The following TDRD5 variants were observed in gnomAD, a reference collection of about 807,000 sequenced individuals.
The protein encoded by TDRD5 is tudor domain containing 5.
Under a neutral mutation model 120.6 loss-of-function variants are expected in TDRD5, and 41 were observed. The ratio of observed to expected loss-of-function variants is 0.34; its 90% CI spans 0.26 to 0.44. The LOEUF (loss-of-function observed/expected upper bound fraction) is 0.44. TDRD5 is among the 20% of genes least tolerant of loss of function. TDRD5 has a pLI of 1.00. For synonymous variants in TDRD5, 430 were observed against 433.7 expected (o/e 0.99, Z 0.11); for missense variants, 1,006 against 1,221.2 (o/e 0.82, Z 2.63).
At chr1:179,673,038 C>T (rs370069051) in intron 17 of TDRD5, among the ~76,000 whole-genome samples, 1 of 152,040 alleles carries the variant, frequency 6.6e-6, no homozygotes, top group Admixed American at 6.5e-5. Flanking sequence ...GTGATGTCTC[C>T]AGATTTGTTC....
intron 7 of TDRD5, among the ~76,000 whole-genome samples, chr1:179,631,746 C>G (rs2102002356): frequency 6.6e-6 from 1 of 151,728 alleles, no homozygotes; most frequent in East Asian, 1.9e-4. Flanking sequence ...TTGCTAGTAA[C>G]TAAACTCCAG....
In TDRD5 at chr1:179,593,706, G is replaced by T; in HGVS notation, c.479G>T (p.Arg160Ile). Residue 160 changes from arginine to isoleucine, a missense_variant, in exon 3 of 18, where the codon AGA becomes ATA. Physicochemically the swap from Arg to Ile is moderately conservative, Grantham distance 97 (BLOSUM62 -3). Around this residue, in one of 3 missense-constraint regions of TDRD5, gnomAD observed 445 missense variants for 515.5 expected, o/e 0.86. Transcript: ENST00000444136. ...GATTTTGAAAAGGCATTTGCCAAAAGATTTGGACGATCATTCCAATACATG... is the reference window on the plus strand; with the variant it reads ...GATTTTGAAAAGGCATTTGCCAAAATATTTGGACGATCATTCCAATACATG... ...LSDFEKAFAK[R>I]FGRSFQYMQY... The T allele has an allele frequency of 1.2e-6, 2 of 1,614,222 alleles. No homozygotes were observed. Among genetic ancestry groups the T allele is most frequent in the Non-Finnish European group, 1.7e-6 (2 of 1,180,028 alleles).
intron 13 of TDRD5, among the ~76,000 whole-genome samples, chr1:179,653,259 A>G (rs946300714): frequency 3.9e-5 from 6 of 152,216 alleles, no homozygotes; most frequent in Non-Finnish European, 7.4e-5. Context: ...TCTTTGAATA[A>G]AATGTAAAAA....
At chr1:179,606,778 A>T (rs372767119) in intron 4 of TDRD5, among the ~76,000 whole-genome samples, 4 of 152,052 alleles carry the variant, frequency 2.6e-5, no homozygotes, top group African/African-American at 9.7e-5. Flanking sequence ...GTCTATGTCT[A>T]GGTTCTCTAG....
In TDRD5 at chr1:179,595,653, A is replaced by T; in HGVS notation, c.666A>T (p.Arg222Ser). 1 of 1,589,878 alleles carries T rather than the reference A, an allele frequency of 6.3e-7. No homozygotes were observed. The highest frequency in any genetic ancestry group is 8.5e-7 in the Non-Finnish European group (1 of 1,172,282). Residue 222 changes from arginine (R) to serine (S), a missense_variant, in exon 4 of 18, where the codon AGA becomes AGT. This residue lies in a region of TDRD5 where 445 missense variants were observed against 515.5 expected (regional missense o/e 0.86). Transcript: ENST00000444136. ...GTAAAATTTTTACCCAGCCATTTAG[A>T]ATGAAACAAGGGTCATACTCCACAG... Reference protein sequence around the residue: ...PAGKIFTQPFRMKQGSYSTGF... With the variant: ...PAGKIFTQPFSMKQGSYSTGF...
Position 179,663,457 on chromosome 1 carries a change from A to G in TDRD5, c.2615A>G (p.Gln872Arg). The change falls in exon 16 of 18, where the codon CAG (glutamine) becomes CGG (arginine). Residue 872 changes from glutamine to arginine, a missense_variant. This residue lies in a region of TDRD5 where 403 missense variants were observed against 448.1 expected (regional missense o/e 0.90). Transcript: ENST00000444136. ...EVHKPEVLGAQEKNTGTNRTQ... is the reference protein window; with the variant it reads ...EVHKPEVLGAREKNTGTNRTQ... ...CATAAGCCAGAAGTACTGGGTGCTC[A>G]GGAAAAAAATACTGGCACAAACAGG... is the stretch of plus-strand genomic sequence containing the variant. 1 of 1,613,476 alleles carries G rather than the reference A, an allele frequency of 6.2e-7. No homozygotes were observed. Among genetic ancestry groups the G allele is most frequent in the Non-Finnish European group, 8.5e-7 (1 of 1,179,818 alleles).
intron 17 of TDRD5, among the ~76,000 whole-genome samples, chr1:179,670,384 TCC>T (rs1484607651): frequency 2.7e-5 from 4 of 146,816 alleles, no homozygotes; most frequent in African/African-American, 1.0e-4. Context: ...AGAGTGAGAC[TCC>T]GTCTCAAAAA....
At chr1:179,675,407 GTA>G (rs1680095266) in intron 17 of TDRD5, among the ~76,000 whole-genome samples, 1 of 147,190 alleles carries the variant, frequency 6.8e-6, no homozygotes, top group African/African-American at 2.5e-5. Context: ...AGCCTCCCGA[GTA>G]GCTGGGATTA....
At chr1:179,605,359 G>A (rs989629217) in intron 4 of TDRD5, among the ~76,000 whole-genome samples, 3 of 152,090 alleles carry the variant, frequency 2.0e-5, no homozygotes, top group Non-Finnish European at 4.4e-5. Context: ...GAGCATTTAG[G>A]CCATTTGCAT....
At chr1:179,686,221 A>G (rs1002689232) in intron 17 of TDRD5, among the ~76,000 whole-genome samples, 3 of 152,160 alleles carry the variant, frequency 2.0e-5, no homozygotes, top group Admixed American at 6.5e-5. Flanking sequence ...CATCCCATCA[A>G]TACCTAATTT....
In TDRD5 at chr1:179,627,054, A is replaced by G. The variant is rs189214771; in HGVS notation, c.973-3713A>G. 2.7e-3 allele frequency among the ~76,000 whole-genome samples: 418 copies of G among 152,346 alleles called. 3 individuals carry two copies. The highest frequency in any genetic ancestry group is 9.5e-3 in the African/African-American group (395 of 41,592). ...CAGCAAGTGACTTATAAAGGAAACA[A>G]AAGTTAAATTATTAGACATTTTCAC... On this transcript the variant is annotated intron_variant, in intron 6 of 17. Transcript: ENST00000444136.
chr1:179,669,486 C>A, intron 17 of TDRD5, 82 bp downstream of exon 17: 1 of 1,476,534 alleles, frequency 6.8e-7, no homozygotes, highest in South Asian at 1.2e-5. Context: ...CTTCATTTAT[C>A]CCTTGCAAAA....
chr1:179,677,963 A>C (rs1214641664), intron 17 of TDRD5, among the ~76,000 whole-genome samples: 1 of 152,098 alleles, frequency 6.6e-6, no homozygotes, highest in African/African-American at 2.4e-5. Flanking sequence ...AGAGCTCCCA[A>C]GAGATTATGA....
In TDRD5 at chr1:179,691,128, TTTACTGTTAATCTTGA is replaced by T. The variant is rs1193014490; in HGVS notation, c.*188_*203del. ...TTTGATGTGTAAGTAAGTATTGATA[TTTACTGTTAATCTTGA>T]TTTTTCTTGATTTTATTCTGTGTCA... On this transcript the variant is annotated 3_prime_UTR_variant, in exon 18 of 18. Coordinates refer to ENST00000444136, the MANE Select transcript of TDRD5 (RefSeq NM_001199085.3). The T allele has an allele frequency of 6.0e-6, 4 of 667,066 alleles. No homozygotes were observed. Among genetic ancestry groups the T allele is most frequent in the Non-Finnish European group, 9.1e-6 (4 of 437,212 alleles). 41.3% of individuals were successfully genotyped at this position (667,066 alleles called of 1,614,324 possible).
chr1:179,674,769 A>G (rs1680034390), intron 17 of TDRD5, among the ~76,000 whole-genome samples: 1 of 152,146 alleles, frequency 6.6e-6, no homozygotes, highest in Non-Finnish European at 1.5e-5. Flanking sequence ...TTAATCTAGG[A>G]CAGTTGTATA....
chr1:179,651,229 A>G (rs1678695601), intron 12 of TDRD5, among the ~76,000 whole-genome samples, 162 bp downstream of exon 12: 1 of 152,234 alleles, frequency 6.6e-6, no homozygotes, highest in Non-Finnish European at 1.5e-5. Context: ...TAATTTTCAG[A>G]TGACCACAGA....
At chr1:179,601,377 A>T (rs574642373) in intron 4 of TDRD5, among the ~76,000 whole-genome samples, 5 of 152,156 alleles carry the variant, frequency 3.3e-5, no homozygotes, top group Admixed American at 6.5e-5. Flanking sequence ...CCCAAGCAGT[A>T]TACACTGCAC....
intron 7 of TDRD5, 112 bp downstream of exon 7, chr1:179,631,032 T>C: frequency 2.9e-6 from 3 of 1,020,042 alleles, no homozygotes; most frequent in Non-Finnish European, 4.3e-6. Flanking sequence ...TGACCTCCTT[T>C]CTGGTGGTAT....
chr1:179,663,410 A>G lies in TDRD5; in HGVS notation c.2568A>G (p.Val856=). ...ATTCTTGGCAGCCTTCAGGCCTTGT[A>G]AATGGAACGAAAGTAGAAGTTCATA... ...WDDSWQPSGL[V]NGTKVEVHKP... Residue 856 remains valine, a synonymous_variant, in exon 16 of 18, where the codon GTA becomes GTG. Transcript: ENST00000444136. The G allele has an allele frequency of 6.2e-7, 1 of 1,613,896 alleles. No individual in the cohort carries two copies. Among genetic ancestry groups the G allele is most frequent in the African/African-American group, 1.3e-5 (1 of 75,044 alleles).
Sources: gnomAD v4.1 joint callset for allele counts (sites outside exome capture counted in the v4.1 genomes callset) on GRCh38, gnomAD v4.1.1 for gene constraint, gnomAD v4.1.1 regional missense constraint, MANE v1.5 for transcripts, NCBI Gene and HGNC (gene_info 2026-07-23, HGNC 2026-07-21) for gene names.